Variants in JPH1 observed in about 807,000 individuals in gnomAD.
JPH1 encodes the protein junctophilin-1.
JPH1 carries 12 observed loss-of-function variants against 53.6 expected under a neutral mutation model. The ratio of observed to expected loss-of-function variants is 0.22; its 90% CI spans 0.14 to 0.36. JPH1 has a LOEUF of 0.36. Among genes scored for constraint, JPH1 ranks in the 10% least tolerant of loss-of-function variants. The pLI, the probability that JPH1 is intolerant of heterozygous loss-of-function variation, is 1.00. For missense variants in JPH1, 808 were observed against 905.5 expected (o/e 0.89, Z 1.38); for synonymous variants, 375 against 363.8 (o/e 1.03, Z -0.35).
chr8:74,269,919 C>T (rs1015809901), intron 2 of JPH1, among the ~76,000 whole-genome samples: 1 of 152,228 alleles, frequency 6.6e-6, no homozygotes, highest in Admixed American at 6.5e-5. Context: ...TCTAGCTATA[C>T]ATTTTTCTTT....
intron 4 of JPH1, among the ~76,000 whole-genome samples, chr8:74,237,860 T>TCA (rs1807047201): frequency 6.6e-6 from 1 of 152,224 alleles, no homozygotes; most frequent in Non-Finnish European, 1.5e-5. Context: ...TTGGATACTT[T>TCA]CAGAAGTTAT....
intron 2 of JPH1, among the ~76,000 whole-genome samples, chr8:74,283,346 A>C (rs1329252965): frequency 6.6e-6 from 1 of 152,134 alleles, no homozygotes; most frequent in Non-Finnish European, 1.5e-5. Flanking sequence ...AAACAACACT[A>C]CATTTTTCAA....
At chr8:74,245,228 T>C (rs774873466) in intron 3 of JPH1, 53 bp from the exon 4 acceptor site, 105 of 1,460,038 alleles carry the variant, frequency 7.2e-5, no homozygotes, top group Middle Eastern at 6.0e-4. Context: ...TATATACATA[T>C]ATTTTGCTAA....
intron 2 of JPH1, among the ~76,000 whole-genome samples, chr8:74,312,906 T>C (rs893417979): frequency 6.6e-6 from 1 of 152,164 alleles, no homozygotes; most frequent in South Asian, 2.1e-4. Flanking sequence ...AAACTAAAGA[T>C]CTCTTGATTA....
At chr8:74,270,716 T>TA (rs1380754133) in intron 2 of JPH1, among the ~76,000 whole-genome samples, 1 of 152,184 alleles carries the variant, frequency 6.6e-6, no homozygotes, top group African/African-American at 2.4e-5. Flanking sequence ...TTGGCTCAAA[T>TA]AACAGGAATC....
chr8:74,268,351 C>G (rs1175572566), intron 2 of JPH1, among the ~76,000 whole-genome samples: 1 of 152,020 alleles, frequency 6.6e-6, no homozygotes, highest in African/African-American at 2.4e-5. Flanking sequence ...GCTGTCTCTT[C>G]TGGGAGAAAA....
At chr8:74,297,670 G>A (rs184641862) in intron 2 of JPH1, among the ~76,000 whole-genome samples, 2 of 152,312 alleles carry the variant, frequency 1.3e-5, no homozygotes, top group East Asian at 3.9e-4. Flanking sequence ...TCAGCCATGT[G>A]CTCATTCTTT....
chr8:74,295,686 G>A (rs577383909), intron 2 of JPH1, among the ~76,000 whole-genome samples: 60 of 152,178 alleles, frequency 3.9e-4, no homozygotes, highest in African/African-American at 1.4e-3. Flanking sequence ...GAGTCTTTCT[G>A]GCATTCTTGG....
At chr8:74,316,629 T>G (rs1039306447) in intron 1 of JPH1, among the ~76,000 whole-genome samples, 4 of 152,224 alleles carry the variant, frequency 2.6e-5, no homozygotes, top group Non-Finnish European at 4.4e-5. Context: ...TTGGACTTCA[T>G]CTCAGAGGAA....
intron 2 of JPH1, among the ~76,000 whole-genome samples, chr8:74,295,471 G>C (rs967942136): frequency 3.9e-5 from 6 of 152,152 alleles, no homozygotes; most frequent in African/African-American, 1.2e-4. Context: ...ATTGTTGGCT[G>C]TAACAGTTTA....
At chr8:74,246,777 G>T (rs530947106) in intron 3 of JPH1, among the ~76,000 whole-genome samples, 1 of 152,164 alleles carries the variant, frequency 6.6e-6, no homozygotes, top group African/African-American at 2.4e-5. Flanking sequence ...ATCCACTCCT[G>T]GGGATTCAAG....
At chr8:74,287,744 C>T (rs543764613) in intron 2 of JPH1, among the ~76,000 whole-genome samples, 8 of 151,382 alleles carry the variant, frequency 5.3e-5, no homozygotes, top group South Asian at 2.1e-4. Flanking sequence ...GTGAAATTTC[C>T]GTCTGACTAT....
At chr8:74,260,096 T>C (rs1198567305) in intron 2 of JPH1, among the ~76,000 whole-genome samples, 1 of 152,200 alleles carries the variant, frequency 6.6e-6, no homozygotes, top group African/African-American at 2.4e-5. Flanking sequence ...CTATTGGTGC[T>C]CACCAGCAGG....
chr8:74,235,433 C>T lies in JPH1; in HGVS notation c.*1618G>A, dbSNP rs1237263248. The stretch of plus-strand genomic sequence containing the variant: ...TGCAGGTGACAAAGCACTCAGTCCA[C>T]ATCTGTGCTAACCAGGGAATTGTGT... On this transcript the variant is annotated 3_prime_UTR_variant, in exon 6 of 6. Transcript: ENST00000342232. 2.0e-5 allele frequency: 3 copies of T among 152,242 alleles called. No individual in the cohort carries two copies. The highest frequency in any genetic ancestry group is 2.9e-5 in the Non-Finnish European group (2 of 68,004). 9.4% of individuals were successfully genotyped at this position (152,242 alleles called of 1,614,324 possible).
At chr8:74,253,738 A>C (rs1033740752) in intron 3 of JPH1, among the ~76,000 whole-genome samples, 11 of 152,144 alleles carry the variant, frequency 7.2e-5, no homozygotes, top group African/African-American at 2.7e-4. Context: ...AGAAATACAA[A>C]CTACCATCAG....
intron 1 of JPH1, among the ~76,000 whole-genome samples, chr8:74,316,950 T>G (rs577334640): frequency 4.1e-4 from 62 of 152,356 alleles, no homozygotes; most frequent in African/African-American, 1.4e-3. Flanking sequence ...TACTTCTGTG[T>G]TATTCATAAC....
intron 2 of JPH1, among the ~76,000 whole-genome samples, chr8:74,289,912 G>A (rs1018968360): frequency 3.9e-5 from 6 of 152,164 alleles, no homozygotes; most frequent in Non-Finnish European, 8.8e-5. Context: ...GCATCCCAGG[G>A]ATAAAGCCAA....
Position 74,295,994 on chromosome 8 carries a change from C to T in JPH1, c.1139+18867G>A, listed in dbSNP as rs569810699. On this transcript the variant is annotated intron_variant, in intron 2 of 5. Coordinates refer to ENST00000342232, the MANE Select transcript of JPH1 (RefSeq NM_020647.4). ...TCACCATTTCCACGAAAGGGAACAA[C>T]CTGGTATGTAGCAATCTCAGTAAGG... is the stretch of plus-strand genomic sequence containing the variant. Among the ~76,000 whole-genome samples the T allele has an allele frequency of 5.1e-5, 5 of 97,850 alleles. No homozygotes were observed. In the South Asian group the frequency reaches 2.1e-3, roughly 42 times the overall value. The allele number at this position is 97,850 out of a possible 152,430, so 64.2% of individuals were successfully genotyped here.
intron 2 of JPH1, among the ~76,000 whole-genome samples, chr8:74,277,633 G>A (rs1348018813): frequency 1.3e-5 from 2 of 152,196 alleles, no homozygotes; most frequent in Non-Finnish European, 2.9e-5. Context: ...GTAACCCAGG[G>A]TAAGTTACTT....
Sources: gnomAD v4.1 joint callset for allele counts (sites outside exome capture counted in the v4.1 genomes callset) on GRCh38, gnomAD v4.1.1 for gene constraint, MANE v1.5 for transcripts, NCBI Gene and HGNC (gene_info 2026-07-23, HGNC 2026-07-21) for gene names.